The following IGF2BP2 variants were observed in gnomAD, a reference collection of about 807,000 sequenced individuals.
IGF2BP2 encodes insulin-like growth factor 2 mRNA-binding protein 2.
In IGF2BP2, 17 loss-of-function variants were observed where a neutral mutation model predicts 75.8. The observed-to-expected ratio is 0.22, with a 90% confidence interval of 0.15 to 0.34. The LOEUF (loss-of-function observed/expected upper bound fraction) is 0.34, where lower values mean the gene tolerates loss of function less well. Ranked by LOEUF, IGF2BP2 falls within the 10% of genes least tolerant of loss-of-function variation. The probability of loss-of-function intolerance (pLI) is 1.00; values close to 1 mark genes in which losing one functional copy is unlikely to be tolerated. For synonymous variants in IGF2BP2, 288 were observed against 295.6 expected, an observed-to-expected ratio of 0.97 and a Z score of 0.26; for missense variants, 516 against 772.4, an observed-to-expected ratio of 0.67 and a Z score of 3.93.
intron 2 of IGF2BP2, among the ~76,000 whole-genome samples, chr3:185,770,797 C>T (rs1372291106): frequency 6.6e-6 from 1 of 152,226 alleles, no homozygotes; most frequent in Non-Finnish European, 1.5e-5. Flanking sequence ...GTTGCCCAGG[C>T]TGGAGTGCAG....
chr3:185,804,850 G>GGAGT (rs1231534754), intron 2 of IGF2BP2, among the ~76,000 whole-genome samples: 1 of 151,712 alleles, frequency 6.6e-6, no homozygotes, highest in African/African-American at 2.4e-5. Context: ...AAATTAGCTG[G>GGAGT]GAGTGGGTGG....
At chr3:185,684,153 G>T (rs2149288786) in intron 7 of IGF2BP2, among the ~76,000 whole-genome samples, 1 of 152,250 alleles carries the variant, frequency 6.6e-6, no homozygotes, top group East Asian at 1.9e-4. Flanking sequence ...CTGAGTTCCT[G>T]GCACATAGAA....
chr3:185,812,543 C>T (rs1740041740), intron 2 of IGF2BP2, among the ~76,000 whole-genome samples: 1 of 152,148 alleles, frequency 6.6e-6, no homozygotes, highest in Non-Finnish European at 1.5e-5. Context: ...AGGGCAGGGT[C>T]TAAACTTTCC....
At chr3:185,778,181 C>A (rs74980555) in intron 2 of IGF2BP2, among the ~76,000 whole-genome samples, 3,787 of 152,250 alleles carry the variant, frequency 0.025, 86 homozygotes, top group South Asian at 0.055. Context: ...TTGAGAGTAG[C>A]TGGAGCACGT....
In IGF2BP2 at chr3:185,675,917, A is replaced by G; in HGVS notation, c.813-4T>C. 6.2e-7 allele frequency: 1 copy of G among 1,613,768 alleles called. No homozygotes were observed. On this transcript the variant is annotated splice_polypyrimidine_tract_variant and splice_region_variant and intron_variant, in intron 7 of 15. Coordinates refer to ENST00000382199, the MANE Select transcript of IGF2BP2 (RefSeq NM_006548.6). ...TTTCAGAGGAATCTCTTCGGCTCTA[A>G]AAGAGACAAGCAGCAAGTTAACACT...
At chr3:185,663,032 C>CT (rs1312517661) in intron 10 of IGF2BP2, among the ~76,000 whole-genome samples, 1 of 152,136 alleles carries the variant, frequency 6.6e-6, no homozygotes, top group Non-Finnish European at 1.5e-5. Flanking sequence ...TGGAAGGGGG[C>CT]TTTCAAATCT....
rs1473869553 is a variant in IGF2BP2, at chr3:185,723,051, C to T, written c.240-24704G>A. Reference sequence around the variant, plus strand: ...AGTTGAAAACTGTTGAAACGTTTCTCGTTGGCTAAGCTGGAGAGAACCAAT... The same window carrying T: ...AGTTGAAAACTGTTGAAACGTTTCTTGTTGGCTAAGCTGGAGAGAACCAAT... On this transcript the variant is annotated intron_variant, in intron 2 of 15. Transcript: ENST00000382199. Among the ~76,000 whole-genome samples, 5 of 152,206 alleles carry T rather than the reference C, an allele frequency of 3.3e-5. No homozygotes were observed. The South Asian group carries it at 8.3e-4, about 25-fold the overall frequency.
chr3:185,657,495 A>C, intron 11 of IGF2BP2, 93 bp from the exon 12 acceptor site: 1 of 957,606 alleles, frequency 1.0e-6, no homozygotes, highest in Non-Finnish European at 1.6e-6. Flanking sequence ...CATGAACCCC[A>C]TGGTGGGAAG....
intron 10 of IGF2BP2, among the ~76,000 whole-genome samples, chr3:185,670,337 CTT>C (rs1718322664): frequency 6.6e-6 from 1 of 152,070 alleles, no homozygotes; most frequent in Non-Finnish European, 1.5e-5. Context: ...GGTCAGCAAA[CTT>C]TTTCTGCAAA....
At chr3:185,785,178 G>A (rs1212704773) in intron 2 of IGF2BP2, among the ~76,000 whole-genome samples, 1 of 151,846 alleles carries the variant, frequency 6.6e-6, no homozygotes, top group South Asian at 2.1e-4. Flanking sequence ...ACGCACACCT[G>A]TAATCCCAGC....
rs1277754409 is a variant in IGF2BP2, at chr3:185,823,232, A to C, written c.179-19T>G. On this transcript the variant is annotated intron_variant, in intron 1 of 15. Transcript: ENST00000382199. ...ACTTTACCTTTAAAACAGAAATTAA[A>C]GCACTCAGAACCTTGCTTAGATCAA... 6.3e-7 allele frequency: 1 copy of C among 1,598,754 alleles called. No homozygotes were observed. Among genetic ancestry groups the C allele is most frequent in the South Asian group, 1.1e-5 (1 of 89,682 alleles).
chr3:185,673,153 G>A (rs1396423625), intron 9 of IGF2BP2, among the ~76,000 whole-genome samples: 2 of 152,164 alleles, frequency 1.3e-5, no homozygotes, highest in Non-Finnish European at 1.5e-5. Flanking sequence ...TGCCCTGTCT[G>A]TGCTCTCCAG....
At chr3:185,734,656 C>G (rs748996542) in intron 2 of IGF2BP2, among the ~76,000 whole-genome samples, 16 of 152,186 alleles carry the variant, frequency 1.1e-4, no homozygotes, top group African/African-American at 3.6e-4. Context: ...GTATTTAAGG[C>G]AGCAGTAACG....
At chr3:185,739,429 C>T (rs1048622857) in intron 2 of IGF2BP2, among the ~76,000 whole-genome samples, 7 of 152,274 alleles carry the variant, frequency 4.6e-5, no homozygotes, top group Non-Finnish European at 7.4e-5. Flanking sequence ...CAAATTGTGC[C>T]GTATGGCTCA....
intron 2 of IGF2BP2, among the ~76,000 whole-genome samples, chr3:185,782,172 T>A (rs1490885132): frequency 6.6e-6 from 1 of 152,154 alleles, no homozygotes; most frequent in Non-Finnish European, 1.5e-5. Context: ...ATGGCCCTAG[T>A]AGTGAGTACT....
intron 7 of IGF2BP2, among the ~76,000 whole-genome samples, chr3:185,685,584 C>T (rs1428520329): frequency 6.6e-6 from 1 of 152,134 alleles, no homozygotes; most frequent in African/African-American, 2.4e-5. Context: ...ATTTGATTCA[C>T]CCCTCACTAC....
intron 2 of IGF2BP2, among the ~76,000 whole-genome samples, chr3:185,786,262 GC>G (rs1735873086): frequency 6.6e-6 from 1 of 151,966 alleles, no homozygotes; most frequent in Non-Finnish European, 1.5e-5. Flanking sequence ...AGGCAACATG[GC>G]CCCACTGAGA....
intron 2 of IGF2BP2, among the ~76,000 whole-genome samples, chr3:185,813,052 C>T (rs1740120473): frequency 6.6e-6 from 1 of 152,180 alleles, no homozygotes; most frequent in Admixed American, 6.5e-5. Flanking sequence ...TCTTCCCTGG[C>T]AACACTCTCG....
At chr3:185,701,420 T>C (rs1723295895) in intron 2 of IGF2BP2, among the ~76,000 whole-genome samples, 1 of 151,454 alleles carries the variant, frequency 6.6e-6, no homozygotes, top group African/African-American at 2.4e-5. Context: ...CCAAGCCTCA[T>C]TTTCTCCATA....
Sources: gnomAD v4.1 joint callset for allele counts (sites outside exome capture counted in the v4.1 genomes callset) on GRCh38, gnomAD v4.1.1 for gene constraint, MANE v1.5 for transcripts, NCBI Gene and HGNC (gene_info 2026-07-23, HGNC 2026-07-21) for gene names.